The following SOHLH1 variants were observed in gnomAD, a reference collection of about 807,000 sequenced individuals.
SOHLH1 encodes the protein spermatogenesis and oogenesis specific basic helix-loop-helix 1.
In SOHLH1, 23 loss-of-function variants were observed where a neutral mutation model predicts 36.2. The ratio of observed to expected loss-of-function variants is 0.64; its 90% CI spans 0.46 to 0.90. The LOEUF (loss-of-function observed/expected upper bound fraction) is 0.90. Among genes scored for constraint, SOHLH1 ranks in the 40% least tolerant of loss-of-function variants. SOHLH1 has a pLI of 0.00. For missense variants in SOHLH1, 608 were observed against 517.0 expected, an observed-to-expected ratio of 1.18 and a Z score of -1.71; for synonymous variants, 289 against 228.3, an observed-to-expected ratio of 1.27 and a Z score of -2.40.
intron 5 of SOHLH1, 64 bp downstream of exon 5, chr9:135,696,548 C>A: frequency 1.3e-6 from 2 of 1,583,216 alleles, no homozygotes; most frequent in Non-Finnish European, 1.7e-6. Flanking sequence ...GTTCTTAGGG[C>A]TAAAGCACAG....
At chr9:135,695,632 C>T (rs746338562) in intron 5 of SOHLH1, among the ~76,000 whole-genome samples, 2 of 152,106 alleles carry the variant, frequency 1.3e-5, no homozygotes, top group Non-Finnish European at 2.9e-5. Flanking sequence ...CCTGGGTTTC[C>T]GGAGTGCCCT....
Position 135,693,414 on chromosome 9 carries a change from T to C in SOHLH1, c.*183A>G, listed in dbSNP as rs573040366. ...ACACAGAAGCCACACAGGTTTTGCT[T>C]CCTCCAGGAAAACTGCTTTCCCTCT... On this transcript the variant is annotated 3_prime_UTR_variant, in exon 8 of 8. Coordinates refer to ENST00000425225, the MANE Select transcript of SOHLH1 (RefSeq NM_001101677.2). The C allele has an allele frequency of 6.7e-4, 561 of 839,608 alleles. 1 individual carries two copies. The highest frequency in any genetic ancestry group is 8.8e-4 in the Non-Finnish European group (500 of 566,268). The allele number at this position is 839,608 out of a possible 1,614,324, so 52.0% of individuals were successfully genotyped here. A position where few individuals can be genotyped will look rare whatever the true frequency, so the allele number is the denominator to read the frequency against.
At chr9:135,697,668 T>G (rs1482211166) in intron 3 of SOHLH1, 41 bp from the exon 4 acceptor site, 1 of 1,595,258 alleles carries the variant, frequency 6.3e-7, no homozygotes, top group Non-Finnish European at 8.5e-7. Context: ...ACAGAGACAG[T>G]CAGCTGAGAA....
rs143814340 is a variant in SOHLH1, at chr9:135,697,736, G to C, written c.346-109C>G. ...GGGCCTGGAGGGTCACTGTGAGCTC[G>C]GTCCCCGCTTGGAACTTGGGGGCGA... is the stretch of plus-strand genomic sequence containing the variant. On this transcript the variant is annotated intron_variant, in intron 3 of 7. Coordinates refer to ENST00000425225, the MANE Select transcript of SOHLH1 (RefSeq NM_001101677.2). 1,363 of 1,369,384 alleles carry C rather than the reference G, an allele frequency of 1.0e-3. 7 individuals carry two copies. In the African/African-American group the frequency reaches 0.014, roughly 14 times the overall value. 84.8% of individuals were successfully genotyped at this position (1,369,384 alleles called of 1,614,324 possible). A position where few individuals can be genotyped will look rare whatever the true frequency, so the allele number is the denominator to read the frequency against.
upstream of SOHLH1, among the ~76,000 whole-genome samples, chr9:135,700,216 T>A (rs1021264127): frequency 1.3e-5 from 2 of 151,954 alleles, no homozygotes; most frequent in African/African-American, 2.4e-5. Context: ...CACCTCACAC[T>A]CTCAACAGGT....
At chr9:135,697,364 G>T in intron 4 of SOHLH1, 142 bp downstream of exon 4, 1 of 1,258,892 alleles carries the variant, frequency 7.9e-7, no homozygotes, top group Non-Finnish European at 1.1e-6. Context: ...ACCTGAGTTG[G>T]CAGGGCCCTG....
chr9:135,700,619 T>C (rs567629160), upstream of SOHLH1, among the ~76,000 whole-genome samples: 4 of 152,272 alleles, frequency 2.6e-5, no homozygotes, highest in East Asian at 7.7e-4. Context: ...CAGTCTCCTG[T>C]GGAGAAGGCG....
chr9:135,693,933 C>T, intron 7 of SOHLH1, 119 bp from the exon 8 acceptor site: 1 of 1,449,914 alleles, frequency 6.9e-7, no homozygotes, highest in Admixed American at 2.5e-5. Flanking sequence ...CCTGTCCCCG[C>T]TGCACAGAGG....
intron 5 of SOHLH1, among the ~76,000 whole-genome samples, 165 bp downstream of exon 5, chr9:135,696,447 C>T (rs867610367): frequency 2.0e-5 from 3 of 152,138 alleles, no homozygotes; most frequent in African/African-American, 4.8e-5. Context: ...GCCCGGGGGC[C>T]TTGAATCAAG....
chr9:135,697,583 A>G lies in SOHLH1; in HGVS notation c.390T>C (p.Asp130=). ...SKEMWHSLQE[D]VLQLTLSSQI... ...GACTCGACAACGTCAACTGTAAAAC[A>G]TCCTCCTGCAACGAGTGCCACATTT... Residue 130 remains aspartate (D), a synonymous_variant, in exon 4 of 8, where the codon GAT becomes GAC. Coordinates refer to ENST00000425225, the MANE Select transcript of SOHLH1 (RefSeq NM_001101677.2). The G allele has an allele frequency of 6.2e-7, 1 of 1,612,658 alleles. No individual in the cohort carries two copies. The highest frequency in any genetic ancestry group is 8.5e-7 in the Non-Finnish European group (1 of 1,179,716).
chr9:135,697,373 T>C, intron 4 of SOHLH1, 133 bp downstream of exon 4: 5 of 1,357,438 alleles, frequency 3.7e-6, no homozygotes, highest in Non-Finnish European at 5.0e-6. Context: ...GGCAGGGCCC[T>C]GGGCAGGTCA....
chr9:135,694,928 G>T, intron 6 of SOHLH1, 122 bp downstream of exon 6: 1 of 1,131,780 alleles, frequency 8.8e-7, no homozygotes, highest in Non-Finnish European at 1.3e-6. Context: ...CACAGAAGCA[G>T]AGACGGAAGC....
In SOHLH1 at chr9:135,696,765, G is replaced by A. The variant is rs986540910; in HGVS notation, c.508C>T (p.Leu170=). 5 of 1,613,040 alleles carry A rather than the reference G, an allele frequency of 3.1e-6. No homozygotes were observed. The highest frequency in any genetic ancestry group is 1.7e-5 in the Admixed American group (1 of 60,004). The change falls in exon 5 of 8, where the codon CTG becomes TTG. Residue 170 remains leucine (L), a synonymous_variant. Coordinates refer to ENST00000425225, the MANE Select transcript of SOHLH1 (RefSeq NM_001101677.2). ...VKAFLESPWS[L]DPASASPEPV... is the part of the protein sequence containing the mutation. ...TCTGGGCTGGCCGACGCTGGATCCA[G>A]GGACCAAGGACTTTCCAGAAACGCC...
intron 5 of SOHLH1, 114 bp downstream of exon 5, chr9:135,696,498 C>G: frequency 8.6e-7 from 1 of 1,166,896 alleles, no homozygotes; most frequent in Non-Finnish European, 1.1e-6. Context: ...ACACAAGGGC[C>G]TGGGAAAACT....
chr9:135,699,544 C>T, upstream of SOHLH1: 1 of 1,470,300 alleles, frequency 6.8e-7, no homozygotes. Context: ...TGTGCTCTGC[C>T]CACCTGCCAC....
At chr9:135,699,272 C>CT in intron 1 of SOHLH1, 131 bp downstream of exon 1, 3 of 1,494,528 alleles carry the variant, frequency 2.0e-6, no homozygotes, top group Non-Finnish European at 2.7e-6. Context: ...CTCTGCACCC[C>CT]TTCCCCTCTC....
In SOHLH1 at chr9:135,693,457, C is replaced by G. The variant is rs558437540; in HGVS notation, c.*140G>C. 6 of 1,207,040 alleles carry G rather than the reference C, an allele frequency of 5.0e-6. No homozygotes were observed. The African/African-American group carries it at 9.2e-5, about 18-fold the overall frequency. 74.8% of individuals were successfully genotyped at this position (1,207,040 alleles called of 1,614,324 possible). ...TTCCCTCTTTAATATTCACTATCCT[C>G]TTCTCACAGCCTGTAAGCCTCGCTC... On this transcript the variant is annotated 3_prime_UTR_variant, in exon 8 of 8. Transcript: ENST00000425225.
At chr9:135,698,892 G>A (rs1024101619) in intron 2 of SOHLH1, 103 bp downstream of exon 2, 9 of 1,542,828 alleles carry the variant, frequency 5.8e-6, no homozygotes, top group South Asian at 2.3e-5. Flanking sequence ...CACAGGCCAC[G>A]AGCCCCTCCC....
rs748945232 is a variant in SOHLH1 at position 135,698,322 on chromosome 9, A to T, written c.345+7T>A. 6.2e-7 allele frequency: 1 copy of T among 1,612,844 alleles called. No individual in the cohort carries two copies. Reference sequence around the variant, plus strand: ...GAGGACTGACGGCGTCTACCCTTACAACTCACAGCGTGCTGCTCCTGACTG... The same window carrying T: ...GAGGACTGACGGCGTCTACCCTTACTACTCACAGCGTGCTGCTCCTGACTG... On this transcript the variant is annotated splice_region_variant and intron_variant, in intron 3 of 7. Transcript: ENST00000425225.
Sources: gnomAD v4.1 joint callset for allele counts (sites outside exome capture counted in the v4.1 genomes callset) on GRCh38, gnomAD v4.1.1 for gene constraint, MANE v1.5 for transcripts, NCBI Gene and HGNC (gene_info 2026-07-23, HGNC 2026-07-21) for gene names.